The following SEMA5A variants were observed in gnomAD, a reference collection of about 807,000 sequenced individuals.
The protein encoded by SEMA5A is semaphorin 5A.
SEMA5A carries 55 observed loss-of-function variants against 135.5 expected under a neutral mutation model. The observed-to-expected ratio is 0.41, with a 90% CI of 0.33 to 0.51. SEMA5A has a LOEUF of 0.51. Among genes scored for constraint, SEMA5A ranks in the 20% least tolerant of loss-of-function variants. The pLI, the probability that SEMA5A is intolerant of heterozygous loss-of-function variation, is 0.37. For missense variants in SEMA5A, 1,290 were observed against 1,419.9 expected (o/e 0.91, Z 1.47); for synonymous variants, 580 against 546.5 (o/e 1.06, Z -0.85).
intron 1 of SEMA5A, among the ~76,000 whole-genome samples, chr5:9,464,343 T>C (rs775661198): frequency 1.3e-5 from 2 of 152,306 alleles, no homozygotes; most frequent in Admixed American, 6.5e-5. Flanking sequence ...TAAACTCCCA[T>C]GTCTTACTAA....
chr5:9,350,439 A>G (rs1370606825), intron 3 of SEMA5A, among the ~76,000 whole-genome samples: 1 of 152,222 alleles, frequency 6.6e-6, no homozygotes, highest in Non-Finnish European at 1.5e-5. Context: ...CTAAGCCCTT[A>G]CAATATTCTG....
intron 16 of SEMA5A, among the ~76,000 whole-genome samples, chr5:9,103,162 C>G (rs1739722039): frequency 6.6e-6 from 1 of 152,118 alleles, no homozygotes; most frequent in Admixed American, 6.5e-5. Context: ...CTTGCTGTCT[C>G]CAGTTGCAGG....
At chr5:9,244,057 G>A (rs949514269) in intron 5 of SEMA5A, among the ~76,000 whole-genome samples, 8 of 152,228 alleles carry the variant, frequency 5.3e-5, no homozygotes, top group South Asian at 4.1e-4. Flanking sequence ...CCCTAGAATC[G>A]ATTTTAAAAG....
intron 5 of SEMA5A, among the ~76,000 whole-genome samples, chr5:9,243,125 C>T (rs565841274): frequency 2.4e-4 from 37 of 152,302 alleles, no homozygotes; most frequent in African/African-American, 7.9e-4. Context: ...GAAACTACCA[C>T]AAACCAGGTG....
intron 22 of SEMA5A, 162 bp from the exon 23 acceptor site, chr5:9,043,178 A>ATGGAGG: frequency 1.6e-6 from 1 of 626,220 alleles, no homozygotes; most frequent in Non-Finnish European, 2.6e-6. Flanking sequence ...TATTTGCCCC[A>ATGGAGG]TGGAGGACTT....
At chr5:9,101,750 T>C (rs569420534) in intron 16 of SEMA5A, among the ~76,000 whole-genome samples, 1 of 152,114 alleles carries the variant, frequency 6.6e-6, no homozygotes, top group African/African-American at 2.4e-5. Context: ...ACTATTCATA[T>C]AGGGTCTGCA....
At chr5:9,320,001 T>C (rs970809641) in intron 4 of SEMA5A, among the ~76,000 whole-genome samples, 1 of 152,074 alleles carries the variant, frequency 6.6e-6, no homozygotes, top group Non-Finnish European at 1.5e-5. Flanking sequence ...CAGAAGCACA[T>C]GTACACACAC....
intron 16 of SEMA5A, among the ~76,000 whole-genome samples, chr5:9,090,771 C>G (rs1453651548): frequency 6.6e-6 from 1 of 152,188 alleles, no homozygotes; most frequent in Non-Finnish European, 1.5e-5. Flanking sequence ...CCAAGAGTCT[C>G]CATTCGTCCC....
chr5:9,119,065 G>C lies in SEMA5A; in HGVS notation c.1858C>G (p.Arg620Gly). 6.2e-7 allele frequency: 1 copy of C among 1,613,560 alleles called. No homozygotes were observed. Among genetic ancestry groups the C allele is most frequent in the Non-Finnish European group, 8.5e-7 (1 of 1,179,892 alleles). ...TCGIGFQVRQRSCSNPTPRHG... is the reference protein window; with the variant it reads ...TCGIGFQVRQGSCSNPTPRHG... Reference sequence around the variant, plus strand: ...CTGGGAGTGGGGTTGCTGCAGGAGCGCTGCCGCACCTGGAAGCCGATCCCA... The same window carrying C: ...CTGGGAGTGGGGTTGCTGCAGGAGCCCTGCCGCACCTGGAAGCCGATCCCA... Residue 620 changes from arginine (R) to glycine (G), a missense_variant, in exon 15 of 23, where the codon CGC becomes GGC. This residue lies in a region of SEMA5A where 1,029 missense variants were observed against 1,086.6 expected (regional missense o/e 0.95). Coordinates refer to ENST00000382496, the MANE Select transcript of SEMA5A (RefSeq NM_003966.3).
At chr5:9,493,749 T>C (rs1250291789) in intron 1 of SEMA5A, among the ~76,000 whole-genome samples, 1 of 152,206 alleles carries the variant, frequency 6.6e-6, no homozygotes, top group Admixed American at 6.5e-5. Context: ...AGAAAATAAA[T>C]ATGATTTCTT....
chr5:9,178,807 G>T (rs1026703927), intron 11 of SEMA5A, among the ~76,000 whole-genome samples: 3 of 152,210 alleles, frequency 2.0e-5, no homozygotes, highest in Non-Finnish European at 4.4e-5. Flanking sequence ...AACTAGAAAA[G>T]TCCTTTGTAA....
chr5:9,368,789 C>T (rs918513093), intron 3 of SEMA5A, among the ~76,000 whole-genome samples: 148 of 152,176 alleles, frequency 9.7e-4, no homozygotes, highest in African/African-American at 3.2e-3. Context: ...TATTCATTTC[C>T]ATTGATGAAC....
intron 5 of SEMA5A, among the ~76,000 whole-genome samples, chr5:9,282,766 C>A (rs1420426102): frequency 2.0e-5 from 3 of 152,132 alleles, no homozygotes; most frequent in African/African-American, 4.8e-5. Context: ...CCTCCCCATC[C>A]CACAGCATCA....
At chr5:9,211,132 A>G (rs1429712900) in intron 8 of SEMA5A, among the ~76,000 whole-genome samples, 1 of 152,122 alleles carries the variant, frequency 6.6e-6, no homozygotes, top group Non-Finnish European at 1.5e-5. Context: ...TGCTCAACAC[A>G]CTTTCCATCC....
At chr5:9,425,134 C>A (rs1226389545) in intron 2 of SEMA5A, among the ~76,000 whole-genome samples, 2 of 152,214 alleles carry the variant, frequency 1.3e-5, no homozygotes, top group African/African-American at 4.8e-5. Flanking sequence ...TCCCTTTCCC[C>A]ACTACACACA....
chr5:9,287,613 T>G (rs984739187), intron 5 of SEMA5A, among the ~76,000 whole-genome samples: 3 of 152,244 alleles, frequency 2.0e-5, no homozygotes, highest in Admixed American at 6.5e-5. Flanking sequence ...AGTACAGGAC[T>G]TGGCAAACTA....
chr5:9,377,461 G>A (rs550975909), intron 3 of SEMA5A, among the ~76,000 whole-genome samples: 1 of 151,600 alleles, frequency 6.6e-6, no homozygotes, highest in African/African-American at 2.4e-5. Flanking sequence ...CACGCAGAAA[G>A]AAATTATTTC....
intron 5 of SEMA5A, among the ~76,000 whole-genome samples, chr5:9,242,648 A>G (rs1013971605): frequency 6.6e-6 from 1 of 152,178 alleles, no homozygotes; most frequent in Non-Finnish European, 1.5e-5. Flanking sequence ...CATAAAAGAC[A>G]ACCAACGTGG....
intron 3 of SEMA5A, among the ~76,000 whole-genome samples, chr5:9,345,187 G>A (rs996015567): frequency 3.9e-5 from 6 of 152,272 alleles, no homozygotes; most frequent in African/African-American, 1.4e-4. Flanking sequence ...GTTACAAGAT[G>A]ATCATTGTTT....
Sources: gnomAD v4.1 joint callset for allele counts (sites outside exome capture counted in the v4.1 genomes callset) on GRCh38, gnomAD v4.1.1 for gene constraint, gnomAD v4.1.1 regional missense constraint, MANE v1.5 for transcripts, NCBI Gene and HGNC (gene_info 2026-07-23, HGNC 2026-07-21) for gene names.